The following PPID variants were observed in gnomAD, a reference collection of about 807,000 sequenced individuals.
PPID encodes the protein peptidylprolyl isomerase D, also known as peptidyl-prolyl cis-trans isomerase D.
Under a neutral mutation model 48.1 loss-of-function variants are expected in PPID, and 47 were observed. That is an observed-to-expected ratio of 0.98 (90% CI 0.77 to 1.25). The LOEUF (loss-of-function observed/expected upper bound fraction) is 1.25. Among genes scored for constraint, PPID ranks in the 50% most tolerant of loss-of-function variants. The pLI, the probability that PPID is intolerant of heterozygous loss-of-function variation, is 0.00. For missense variants in PPID, 429 were observed against 443.5 expected (o/e 0.97, Z 0.29); for synonymous variants, 163 against 148.8 (o/e 1.10, Z -0.69).
rs769266037 is a variant in PPID at position 158,719,329 on chromosome 4, G to A, written c.227-43C>T. On this transcript the variant is annotated intron_variant, in intron 2 of 9. Coordinates refer to ENST00000307720, the MANE Select transcript of PPID (RefSeq NM_005038.3). The stretch of plus-strand genomic sequence containing the variant: ...GGCTATTAGTGACTGAGACATGGAT[G>A]CCTTTAGCAATGCTTACTAATGGAT... 3.9e-6 allele frequency: 5 copies of A among 1,296,462 alleles called. No individual in the cohort carries two copies. The South Asian group carries it at 4.8e-5, about 12-fold the overall frequency. The allele number at this position is 1,296,462 out of a possible 1,614,324, so 80.3% of individuals were successfully genotyped here. A position where few individuals can be genotyped will look rare whatever the true frequency, so the allele number is the denominator to read the frequency against.
Position 158,709,713 on chromosome 4 carries a change from C to T in PPID, c.*23G>A, listed in dbSNP as rs1774748107. 6.5e-7 allele frequency: 1 copy of T among 1,530,244 alleles called. No homozygotes were observed. Among genetic ancestry groups the T allele is most frequent in the Non-Finnish European group, 9.0e-7 (1 of 1,109,368 alleles). 94.8% of individuals were successfully genotyped at this position (1,530,244 alleles called of 1,614,324 possible). A position where few individuals can be genotyped will look rare whatever the true frequency, so the allele number is the denominator to read the frequency against. On this transcript the variant is annotated 3_prime_UTR_variant, in exon 10 of 10. Transcript: ENST00000307720. The stretch of plus-strand genomic sequence containing the variant: ...TTATTGCATTTATACAATCAACACA[C>T]AATAAGCAAAACTGAATCCTTTCTA...
intron 1 of PPID, among the ~76,000 whole-genome samples, chr4:158,722,819 A>G (rs1341351626): frequency 6.6e-6 from 1 of 152,264 alleles, no homozygotes; most frequent in East Asian, 1.9e-4. Context: ...TGGCAAATAT[A>G]GTTTCCTGGG....
At position 158,710,934 on chromosome 4, in the gene PPID, C is replaced by T. The variant is rs969917400; in HGVS notation, c.895-86G>A. 7.8e-6 allele frequency: 9 copies of T among 1,161,118 alleles called. No individual in the cohort carries two copies. The African/African-American group carries it at 1.2e-4, about 16-fold the overall frequency. 71.9% of individuals were successfully genotyped at this position (1,161,118 alleles called of 1,614,324 possible). A position where few individuals can be genotyped will look rare whatever the true frequency, so the allele number is the denominator to read the frequency against. The stretch of plus-strand genomic sequence containing the variant: ...AATTCATTGCCTATCAACTCCAAAC[C>T]CATCCTTCACTGCTCTGTGAAAATG... On this transcript the variant is annotated intron_variant, in intron 7 of 9. Coordinates refer to ENST00000307720, the MANE Select transcript of PPID (RefSeq NM_005038.3).
intron 7 of PPID, 107 bp downstream of exon 7, chr4:158,713,012 C>T (rs1420967819): frequency 8.5e-7 from 1 of 1,176,786 alleles, no homozygotes; most frequent in Non-Finnish European, 1.2e-6. Flanking sequence ...TCTTAAGCCT[C>T]ATTAGGTCCT....
intron 6 of PPID, among the ~76,000 whole-genome samples, chr4:158,714,025 G>GA (rs915044891): frequency 1.3e-5 from 2 of 149,228 alleles, no homozygotes; most frequent in African/African-American, 2.5e-5. Flanking sequence ...TCTATAAAAG[G>GA]AAAAAAAAAG....
intron 3 of PPID, 80 bp downstream of exon 3, chr4:158,719,100 T>C: frequency 1.1e-6 from 1 of 872,386 alleles, no homozygotes; most frequent in Non-Finnish European, 1.8e-6. Context: ...TGAAACATTT[T>C]TTGGTGTCTT....
At position 158,713,272 on chromosome 4, in the gene PPID, A is replaced by C; in HGVS notation, c.753-12T>G. The C allele has an allele frequency of 1.3e-6, 2 of 1,592,868 alleles. No homozygotes were observed. Among genetic ancestry groups the C allele is most frequent in the Non-Finnish European group, 1.7e-6 (2 of 1,171,076 alleles). ...AACTGTCCACGTATCTGCAGAATGC[A>C]TTAATAAAAGCAGTATGAAAGACCA... On this transcript the variant is annotated splice_polypyrimidine_tract_variant and intron_variant, in intron 6 of 9. Transcript: ENST00000307720.
intron 1 of PPID, among the ~76,000 whole-genome samples, chr4:158,722,634 C>T (rs2126342945): frequency 6.6e-6 from 1 of 152,346 alleles, no homozygotes; most frequent in South Asian, 2.1e-4. Flanking sequence ...GGCTATGTAA[C>T]CTAGGCAACA....
Position 158,723,343 on chromosome 4 carries a change from G to A in PPID, c.-55C>T, listed in dbSNP as rs187917801. ...TATCAGAGTACCTAGTGGCCGCCCG[G>A]GCCGCCCAAACTCCAGAGTCCGTCT... On this transcript the variant is annotated 5_prime_UTR_variant, in exon 1 of 10. Transcript: ENST00000307720. The A allele has an allele frequency of 5.6e-5, 87 of 1,545,224 alleles. 1 individual carries two copies. In the East Asian group the frequency reaches 6.4e-4, roughly 11 times the overall value.
In PPID at chr4:158,723,378, A is replaced by C; in HGVS notation, c.-90T>G. The stretch of plus-strand genomic sequence containing the variant: ...ACTCCAGAGTCCGTCTCCGCCGGAG[A>C]CCGGCAGCGACGCTGACCGGCCACT... On this transcript the variant is annotated 5_prime_UTR_variant, in exon 1 of 10. Coordinates refer to ENST00000307720, the MANE Select transcript of PPID (RefSeq NM_005038.3). 2 of 1,305,808 alleles carry C rather than the reference A, an allele frequency of 1.5e-6. No individual in the cohort carries two copies. Among genetic ancestry groups the C allele is most frequent in the Non-Finnish European group, 1.1e-6 (1 of 926,340 alleles). 80.9% of individuals were successfully genotyped at this position (1,305,808 alleles called of 1,614,324 possible).
chr4:158,720,766 G>C (rs1359779881), intron 2 of PPID, among the ~76,000 whole-genome samples: 3 of 152,068 alleles, frequency 2.0e-5, no homozygotes, highest in Non-Finnish European at 4.4e-5. Context: ...CCAGGATGGA[G>C]TGCAGTGGCG....
chr4:158,715,580 C>T lies in PPID; in HGVS notation c.627G>A (p.Ala209=), dbSNP rs748317313. ...TACTCACATCTTTTAAATCTATATC[C>T]GCATCCTCAGGGAAATCTGGATGAC... is the stretch of plus-strand genomic sequence containing the variant. ...GDSHPDFPED[A]DIDLKDVDKI... The change falls in exon 5 of 10, where the codon GCG becomes GCA. Residue 209 remains alanine, a synonymous_variant. Coordinates refer to ENST00000307720, the MANE Select transcript of PPID (RefSeq NM_005038.3). 6.2e-6 allele frequency: 10 copies of T among 1,613,678 alleles called. No homozygotes were observed. The highest frequency in any genetic ancestry group is 5.0e-5 in the Admixed American group (3 of 59,986).
In PPID at chr4:158,717,085, C is replaced by T; in HGVS notation, c.449G>A (p.Gly150Asp). The T allele has an allele frequency of 6.2e-7, 1 of 1,614,070 alleles. No individual in the cohort carries two copies. The change falls in exon 4 of 10, where the codon GGC (glycine) becomes GAC (aspartate). Residue 150 changes from glycine (G) to aspartate (D), a missense_variant. Transcript: ENST00000307720. ...CACTCCTATTCCTTTAATTACTTGG[C>T]CAAACACCACATGTTTCCCATCCAA... ...PHLDGKHVVF[G>D]QVIKGIGVAR...
At chr4:158,711,391 A>ATTTTTTT (rs757641661) in intron 7 of PPID, among the ~76,000 whole-genome samples, 2 of 141,342 alleles carry the variant, frequency 1.4e-5, no homozygotes, top group East Asian at 4.1e-4. Flanking sequence ...CACCAGACTA[A>ATTTTTTT]TTTTTTTTTT....
chr4:158,721,504 G>C (rs746024673), intron 1 of PPID, 21 bp from the exon 2 acceptor site: 4 of 1,609,752 alleles, frequency 2.5e-6, no homozygotes, highest in East Asian at 2.2e-5. Flanking sequence ...AGAAAATCTT[G>C]TCAGTATGCA....
Position 158,709,713 on chromosome 4 carries a change from C to CA in PPID, c.*22dup. 6.5e-7 allele frequency: 1 copy of CA among 1,530,244 alleles called. No individual in the cohort carries two copies. The highest frequency in any genetic ancestry group is 9.0e-7 in the Non-Finnish European group (1 of 1,109,368). The allele number at this position is 1,530,244 out of a possible 1,614,324, so 94.8% of individuals were successfully genotyped here. On this transcript the variant is annotated 3_prime_UTR_variant, in exon 10 of 10. Coordinates refer to ENST00000307720, the MANE Select transcript of PPID (RefSeq NM_005038.3). ...TTATTGCATTTATACAATCAACACACAATAAGCAAAACTGAATCCTTTCTA... is the reference window on the plus strand; with the variant it reads ...TTATTGCATTTATACAATCAACACACAAATAAGCAAAACTGAATCCTTTCTA...
At chr4:158,719,423 C>T (rs950599876) in intron 2 of PPID, 137 bp from the exon 3 acceptor site, 3 of 617,688 alleles carry the variant, frequency 4.9e-6, no homozygotes, top group Admixed American at 3.2e-5. Context: ...GCTCCCCACC[C>T]GTCTCCGCAA....
intron 6 of PPID, 121 bp from the exon 7 acceptor site, chr4:158,713,381 C>T (rs563021898): frequency 9.6e-7 from 1 of 1,043,244 alleles, no homozygotes; most frequent in Admixed American, 3.5e-5. Context: ...TATTAATAAT[C>T]TTAATGATCA....
At chr4:158,712,274 GACCTGTTCCAATAGA>G (rs1774800963) in intron 7 of PPID, among the ~76,000 whole-genome samples, 1 of 152,146 alleles carries the variant, frequency 6.6e-6, no homozygotes, top group South Asian at 2.1e-4. Context: ...AAAGATAAAT[GACCTGTTCCAATAGA>G]ACCCATTCTC....
Sources: allele counts gnomAD v4.1 joint callset (sites outside exome capture counted in the v4.1 genomes callset), GRCh38; gene constraint gnomAD v4.1.1; transcripts MANE v1.5; gene names NCBI Gene and HGNC (gene_info 2026-07-23, HGNC 2026-07-21).